Variants in PTPRD observed in about 807,000 individuals in gnomAD.
PTPRD encodes protein tyrosine phosphatase receptor type D, also known as receptor-type tyrosine-protein phosphatase delta.
A neutral mutation model predicts 214.5 loss-of-function variants in PTPRD; 34 were observed. That is an observed-to-expected ratio of 0.16 (90% confidence interval 0.12 to 0.21). The LOEUF (loss-of-function observed/expected upper bound fraction) is 0.21, where lower values mean the gene tolerates loss of function less well. Ranked by LOEUF, PTPRD falls within the 10% of genes least tolerant of loss-of-function variation. The pLI, the probability that PTPRD is intolerant of heterozygous loss-of-function variation, is 1.00. For missense variants in PTPRD, 2,545 were observed against 2,398.7 expected, an observed-to-expected ratio of 1.06 and a Z score of -1.27; for synonymous variants, 1,128 against 845.7, an observed-to-expected ratio of 1.33 and a Z score of -5.79.
intron 9 of PTPRD, among the ~76,000 whole-genome samples, chr9:9,385,076 T>A (rs1009505641): frequency 8.5e-5 from 13 of 152,228 alleles, no homozygotes; most frequent in African/African-American, 2.9e-4. Context: ...CTTTCATAGG[T>A]TGAACAAACA....
intron 9 of PTPRD, among the ~76,000 whole-genome samples, chr9:9,332,174 T>C (rs1185827821): frequency 2.0e-5 from 3 of 152,074 alleles, no homozygotes; most frequent in East Asian, 1.9e-4. Context: ...ATCTCAAATA[T>C]ATATTTGAAT....
At chr9:9,939,263 T>G (rs1003835762) in intron 4 of PTPRD, among the ~76,000 whole-genome samples, 1 of 152,156 alleles carries the variant, frequency 6.6e-6, no homozygotes, top group Non-Finnish European at 1.5e-5. Flanking sequence ...ATGTGCCAGG[T>G]AGGGTCTTGT....
chr9:10,181,586 A>G (rs762113821), intron 3 of PTPRD, among the ~76,000 whole-genome samples: 10 of 152,082 alleles, frequency 6.6e-5, no homozygotes, highest in Non-Finnish European at 1.3e-4. Flanking sequence ...TTGAGATATA[A>G]GAGCAAAAAT....
chr9:9,927,839 C>T lies in PTPRD; in HGVS notation c.-368+10668G>A, dbSNP rs531129987. Among the ~76,000 whole-genome samples the T allele has an allele frequency of 5.3e-5, 8 of 152,108 alleles. No individual in the cohort carries two copies. The South Asian group carries it at 1.2e-3, about 24-fold the overall frequency. Reference sequence around the variant, plus strand: ...TTCTAGCCCTAGCTTATTTTCATGTCATTTGCATTTTCTTGAGATATGTGA... The same window carrying T: ...TTCTAGCCCTAGCTTATTTTCATGTTATTTGCATTTTCTTGAGATATGTGA... On this transcript the variant is annotated intron_variant, in intron 5 of 45. Coordinates refer to ENST00000381196, the MANE Select transcript of PTPRD (RefSeq NM_002839.4).
chr9:9,430,227 C>T (rs2082559425), intron 8 of PTPRD, among the ~76,000 whole-genome samples: 1 of 152,092 alleles, frequency 6.6e-6, no homozygotes, highest in South Asian at 2.1e-4. Context: ...AATCAATGTG[C>T]AAAAATCACA....
intron 10 of PTPRD, among the ~76,000 whole-genome samples, chr9:9,036,915 C>T (rs553453042): frequency 8.4e-4 from 128 of 152,210 alleles, no homozygotes; most frequent in African/African-American, 2.8e-3. Flanking sequence ...TCTGTATTTT[C>T]TCATAGTTCA....
chr9:9,543,044 T>C (rs931285521), intron 8 of PTPRD, among the ~76,000 whole-genome samples: 1 of 151,594 alleles, frequency 6.6e-6, no homozygotes, highest in Admixed American at 6.6e-5. Context: ...TCATACCAAT[T>C]GAAAACAATG....
At chr9:8,495,676 A>C (rs1479377684) in intron 26 of PTPRD, among the ~76,000 whole-genome samples, 5 of 152,238 alleles carry the variant, frequency 3.3e-5, no homozygotes, top group African/African-American at 1.2e-4. Context: ...ATTTTATTTT[A>C]GTTAAACAGA....
intron 36 of PTPRD, among the ~76,000 whole-genome samples, chr9:8,396,581 T>C (rs1274111101): frequency 2.0e-5 from 3 of 152,066 alleles, no homozygotes; most frequent in Non-Finnish European, 4.4e-5. Context: ...CTCCCAGAGC[T>C]TTCTGATTTT....
Position 8,518,215 on chromosome 9 carries a change from C to T in PTPRD, c.1176G>A (p.Arg392=), listed in dbSNP as rs2138545818. 1 of 1,614,118 alleles carries T rather than the reference C, an allele frequency of 6.2e-7. No individual in the cohort carries two copies. Residue 392 remains arginine (R), a synonymous_variant, in exon 21 of 46, where the codon AGG becomes AGA. Transcript: ENST00000381196. ...GCCCAATGTTATTGACAGCAACAAC[C>T]CTGAATTCATAATCCGAGTAGGGAC... ...GLSPYSDYEF[R]VVAVNNIGRG...
At chr9:9,453,401 A>C (rs904057593) in intron 8 of PTPRD, among the ~76,000 whole-genome samples, 1 of 151,674 alleles carries the variant, frequency 6.6e-6, no homozygotes, top group Non-Finnish European at 1.5e-5. Flanking sequence ...ATATCATAAT[A>C]TTTTATAAAA....
At chr9:10,354,698 G>T (rs552070883) in intron 2 of PTPRD, among the ~76,000 whole-genome samples, 3 of 152,286 alleles carry the variant, frequency 2.0e-5, no homozygotes, top group Non-Finnish European at 2.9e-5. Context: ...TGAGGACACT[G>T]ATGAAACATG....
intron 2 of PTPRD, among the ~76,000 whole-genome samples, chr9:10,438,178 T>C (rs2098734856): frequency 1.3e-5 from 2 of 151,282 alleles, no homozygotes; most frequent in African/African-American, 2.4e-5. Flanking sequence ...TTTTCCTTTT[T>C]GGTTCAGTTT....
At chr9:8,767,453 A>C (rs929404635) in intron 11 of PTPRD, among the ~76,000 whole-genome samples, 1 of 151,936 alleles carries the variant, frequency 6.6e-6, no homozygotes, top group African/African-American at 2.4e-5. Flanking sequence ...CCCTTGTACA[A>C]CTCTACTCAA....
intron 8 of PTPRD, among the ~76,000 whole-genome samples, chr9:9,522,238 A>G (rs1357403716): frequency 6.6e-6 from 1 of 151,474 alleles, no homozygotes; most frequent in Admixed American, 6.6e-5. Context: ...TTTAATTTAG[A>G]TCCTTGTTAT....
rs745733271 is a variant in PTPRD, at chr9:8,497,305, TAAAAAG to T, written c.2323-43_2323-38del. On this transcript the variant is annotated intron_variant, in intron 25 of 45. Transcript: ENST00000381196. ...TAAGAAGGTTGGGAGGAAAACAAAA[TAAAAAG>T]AAAAAGAATTTAAAGCCTTATACAG... The T allele has an allele frequency of 3.9e-6, 6 of 1,558,152 alleles. No individual in the cohort carries two copies. In the South Asian group the frequency reaches 6.1e-5, roughly 16 times the overall value.
chr9:10,290,743 T>C (rs892000299), intron 3 of PTPRD, among the ~76,000 whole-genome samples: 4 of 152,078 alleles, frequency 2.6e-5, no homozygotes, highest in Admixed American at 2.6e-4. Context: ...ACAGAAGCAT[T>C]CTCCAGATAA....
chr9:8,907,530 A>AG (rs1447139370), intron 11 of PTPRD, among the ~76,000 whole-genome samples: 1 of 136,646 alleles, frequency 7.3e-6, no homozygotes, highest in African/African-American at 2.7e-5. Flanking sequence ...AAAAAAAAAA[A>AG]AAAATATATA....
chr9:9,909,359 A>T (rs1422237855), intron 5 of PTPRD, among the ~76,000 whole-genome samples: 1 of 150,942 alleles, frequency 6.6e-6, no homozygotes, highest in Non-Finnish European at 1.5e-5. Context: ...AATTTAACTA[A>T]CAAGATTGCT....
Sources: allele counts gnomAD v4.1 joint callset (sites outside exome capture counted in the v4.1 genomes callset), GRCh38; gene constraint gnomAD v4.1.1; transcripts MANE v1.5; gene names NCBI Gene and HGNC (gene_info 2026-07-23, HGNC 2026-07-21).